Variants in FCRL5 observed in about 807,000 individuals in gnomAD.
The protein encoded by FCRL5 is Fc receptor like 5.
FCRL5 carries 79 observed loss-of-function variants against 92.1 expected under a neutral mutation model. The observed-to-expected ratio is 0.86, with a 90% CI of 0.72 to 1.03. The LOEUF is 1.03. Ranked by LOEUF, FCRL5 falls within the 50% of genes least tolerant of loss-of-function variation. The probability of loss-of-function intolerance (pLI) is 0.00; values close to 1 mark genes in which losing one functional copy is unlikely to be tolerated. For missense variants in FCRL5, 1,160 were observed against 1,181.1 expected, an observed-to-expected ratio of 0.98 and a Z score of 0.26; for synonymous variants, 466 against 469.3, an observed-to-expected ratio of 0.99 and a Z score of 0.09.
chr1:157,527,541 A>G (rs1477437074), intron 9 of FCRL5, 76 bp downstream of exon 9: 1 of 1,412,510 alleles, frequency 7.1e-7, no homozygotes, highest in Non-Finnish European at 9.6e-7. Context: ...TAGAAACTGT[A>G]CCTCTGATCT....
chr1:157,520,556 G>T lies in FCRL5; in HGVS notation c.2516-9C>A, dbSNP rs761582542. 11 of 1,577,040 alleles carry T rather than the reference G, an allele frequency of 7.0e-6. No individual in the cohort carries two copies. The highest frequency in any genetic ancestry group is 9.5e-6 in the Non-Finnish European group (11 of 1,159,446). On this transcript the variant is annotated splice_polypyrimidine_tract_variant and intron_variant, in intron 11 of 16. Transcript: ENST00000361835. ...TCTGTTCGCGGTCAGCCCTGAGGGG[G>T]AGACCCTGTGTGTGAGCCAGAGGAG...
intron 15 of FCRL5, 71 bp from the exon 16 acceptor site, chr1:157,515,944 G>A (rs1649906295): frequency 3.8e-6 from 6 of 1,574,786 alleles, no homozygotes; most frequent in Non-Finnish European, 5.2e-6. Flanking sequence ...TGCGCTGTGG[G>A]GCCAGCCCTG....
In FCRL5 at chr1:157,527,675, A is replaced by G. The variant is rs781617463; in HGVS notation, c.1902T>C (p.Cys634=). 4 of 1,614,164 alleles carry G rather than the reference A, an allele frequency of 2.5e-6. No homozygotes were observed. The South Asian group carries it at 4.4e-5, about 18-fold the overall frequency. Residue 634 remains cysteine, a synonymous_variant, in exon 9 of 17, where the codon TGT becomes TGC. Transcript: ENST00000361835. Reference sequence around the variant, plus strand: ...GGGCCACTAGGCCATTGTTGGCCTCACATGAGTAGTTTCCAGAATGTTCTG... The same window carrying G: ...GGGCCACTAGGCCATTGTTGGCCTCGCATGAGTAGTTTCCAGAATGTTCTG... ...LTAEHSGNYS[C]EANNGLVAQH...
At position 157,552,492 on chromosome 1, in the gene FCRL5, T is replaced by C; in HGVS notation, c.-130A>G. 1 of 916,386 alleles carries C rather than the reference T, an allele frequency of 1.1e-6. No individual in the cohort carries two copies. The highest frequency in any genetic ancestry group is 1.8e-6 in the Non-Finnish European group (1 of 565,854). 56.8% of individuals were successfully genotyped at this position (916,386 alleles called of 1,614,324 possible). On this transcript the variant is annotated 5_prime_UTR_variant, in exon 1 of 17. Coordinates refer to ENST00000361835, the MANE Select transcript of FCRL5 (RefSeq NM_031281.3). ...GGAGCACATCTGAGAAGCTGTGCTCTCAAAAAGAGCAGAATGCATTAGTGA... is the reference window on the plus strand; with the variant it reads ...GGAGCACATCTGAGAAGCTGTGCTCCCAAAAAGAGCAGAATGCATTAGTGA...
At chr1:157,519,595 T>C (rs2101593965) in intron 13 of FCRL5, 148 bp downstream of exon 13, 1 of 795,250 alleles carries the variant, frequency 1.3e-6, no homozygotes, top group East Asian at 2.5e-5. Context: ...CCTTAAGATA[T>C]CCCCAGGGAC....
At chr1:157,548,998 C>T (rs191623308) in intron 2 of FCRL5, among the ~76,000 whole-genome samples, 45 of 152,060 alleles carry the variant, frequency 3.0e-4, no homozygotes, top group African/African-American at 8.9e-4. Context: ...ATGTTTACTG[C>T]GGCACTATTC....
chr1:157,551,742 A>G (rs1038497188), intron 1 of FCRL5, among the ~76,000 whole-genome samples: 3 of 151,388 alleles, frequency 2.0e-5, no homozygotes, highest in Non-Finnish European at 2.9e-5. Context: ...ATATGAGTTG[A>G]TAGAGACTTA....
At chr1:157,515,897 G>T in intron 15 of FCRL5, 24 bp from the exon 16 acceptor site, 1 of 1,613,020 alleles carries the variant, frequency 6.2e-7, no homozygotes, top group African/African-American at 1.3e-5. Flanking sequence ...AAAGTGTTCA[G>T]TTGTGGAAGA....
chr1:157,520,227 G>A (rs923865906), intron 12 of FCRL5, among the ~76,000 whole-genome samples: 2 of 152,214 alleles, frequency 1.3e-5, no homozygotes, highest in South Asian at 2.1e-4. Context: ...TCATCAAGAC[G>A]TCTCCCACCT....
At chr1:157,544,205 C>G in intron 5 of FCRL5, 57 bp downstream of exon 5, 1 of 1,588,854 alleles carries the variant, frequency 6.3e-7, no homozygotes, top group Non-Finnish European at 8.6e-7. Context: ...GATATGCAGC[C>G]CTGTCCCACT....
intron 1 of FCRL5, 97 bp from the exon 2 acceptor site, chr1:157,549,677 C>A: frequency 2.8e-6 from 3 of 1,075,988 alleles, no homozygotes; most frequent in East Asian, 2.7e-5. Context: ...ATTACTTGTC[C>A]CTTTAAAAAA....
rs1397448226 is a variant in FCRL5 at position 157,543,243 on chromosome 1, C to T, written c.845-106G>A. 7.9e-6 allele frequency: 9 copies of T among 1,135,450 alleles called. No individual in the cohort carries two copies. The Middle Eastern group carries it at 1.2e-3, about 150-fold the overall frequency. The allele number at this position is 1,135,450 out of a possible 1,614,324, so 70.3% of individuals were successfully genotyped here. A position where few individuals can be genotyped will look rare whatever the true frequency, so the allele number is the denominator to read the frequency against. On this transcript the variant is annotated intron_variant, in intron 5 of 16. Coordinates refer to ENST00000361835, the MANE Select transcript of FCRL5 (RefSeq NM_031281.3). ...GTCTCCAGTCTCCACCCTTAACTTG[C>T]TGCCATCAGAACCACACACCCTTAC...
In FCRL5 at chr1:157,515,153, C is replaced by A. The variant is rs1261582915; in HGVS notation, c.*522G>T. The A allele has an allele frequency of 1.7e-5, 3 of 176,826 alleles. No homozygotes were observed. The highest frequency in any genetic ancestry group is 2.7e-4 in the East Asian group (2 of 7,472). 11.0% of individuals were successfully genotyped at this position (176,826 alleles called of 1,614,324 possible). A position where few individuals can be genotyped will look rare whatever the true frequency, so the allele number is the denominator to read the frequency against. ...GAAATGCAGCCCCCGTGGGGAGACC[C>A]ATCACATGTCCCATGTGCACAGGCT... On this transcript the variant is annotated 3_prime_UTR_variant, in exon 17 of 17. Transcript: ENST00000361835.
chr1:157,543,201 GC>G, intron 5 of FCRL5, 64 bp from the exon 6 acceptor site: 1 of 1,519,624 alleles, frequency 6.6e-7, no homozygotes. Flanking sequence ...ACAAGGCATG[GC>G]CAGTGCAAAT....
intron 15 of FCRL5, 76 bp downstream of exon 15, chr1:157,518,353 C>A (rs976523980): frequency 7.7e-7 from 1 of 1,306,848 alleles, no homozygotes; most frequent in Non-Finnish European, 1.1e-6. Flanking sequence ...TGGCTCAGAT[C>A]TGCTGAGTGG....
At chr1:157,520,973 G>A in intron 11 of FCRL5, 44 bp downstream of exon 11, 1 of 1,561,174 alleles carries the variant, frequency 6.4e-7, no homozygotes, top group Non-Finnish European at 8.7e-7. Context: ...GTCCGCGGAG[G>A]AAACATTTTG....
chr1:157,547,499 G>C (rs1479353790), intron 2 of FCRL5: 8 of 515,504 alleles, frequency 1.6e-5, no homozygotes, highest in Non-Finnish European at 2.5e-5. Flanking sequence ...AATCAATGCT[G>C]CGCTGCCATT....
At position 157,514,740 on chromosome 1, in the gene FCRL5, C is replaced by T. The variant is rs1254910008; in HGVS notation, c.*935G>A. Reference sequence around the variant, plus strand: ...CAAGCACATGAAAGTGTGAGAAGCCCTTCCTCTTGCTGAACAGTTTCCTCA... The same window carrying T: ...CAAGCACATGAAAGTGTGAGAAGCCTTTCCTCTTGCTGAACAGTTTCCTCA... On this transcript the variant is annotated 3_prime_UTR_variant, in exon 17 of 17. Transcript: ENST00000361835. 1.3e-5 allele frequency: 2 copies of T among 152,300 alleles called. No homozygotes were observed. The highest frequency in any genetic ancestry group is 2.9e-5 in the Non-Finnish European group (2 of 68,108). The allele number at this position is 152,300 out of a possible 1,614,324, so 9.4% of individuals were successfully genotyped here.
At position 157,544,942 on chromosome 1, in the gene FCRL5, C is replaced by T. The variant is rs1651457615; in HGVS notation, c.448G>A (p.Asp150Asn). The T allele has an allele frequency of 6.2e-7, 1 of 1,614,220 alleles. No individual in the cohort carries two copies. Among genetic ancestry groups the T allele is most frequent in the Non-Finnish European group, 8.5e-7 (1 of 1,180,036 alleles). ...AGACATGCATGAGGAATATGGAAGT[C>T]AGTTCTTTTATTAAGGAATGCCAGG... ...NVLAFLNKRT[D>N]FHIPHACLKD... Residue 150 changes from aspartate to asparagine, a missense_variant, in exon 4 of 17, where the codon GAC (aspartate) becomes AAC (asparagine). Transcript: ENST00000361835.
Sources: gnomAD v4.1 joint callset for allele counts (sites outside exome capture counted in the v4.1 genomes callset) on GRCh38, gnomAD v4.1.1 for gene constraint, MANE v1.5 for transcripts, NCBI Gene and HGNC (gene_info 2026-07-23, HGNC 2026-07-21) for gene names.